Variants in DPP6 observed in about 807,000 individuals in gnomAD.
DPP6 encodes the protein dipeptidyl peptidase like 6.
In DPP6, 69 loss-of-function variants were observed where a neutral mutation model predicts 122.6. The ratio of observed to expected loss-of-function variants is 0.56; its 90% CI spans 0.46 to 0.69. The LOEUF (loss-of-function observed/expected upper bound fraction) is 0.69, where lower values mean the gene tolerates loss of function less well. Ranked by LOEUF, DPP6 falls within the 30% of genes least tolerant of loss-of-function variation. DPP6 has a pLI of 0.00. For synonymous variants in DPP6, 418 were observed against 433.1 expected (o/e 0.97, Z 0.43); for missense variants, 928 against 1,116.9 (o/e 0.83, Z 2.41).
In DPP6 at chr7:154,592,378, A is replaced by C. The variant is rs1203442306; in HGVS notation, c.627+25462A>C. On this transcript the variant is annotated intron_variant, in intron 5 of 25. Coordinates refer to ENST00000377770, the MANE Select transcript of DPP6 (RefSeq NM_130797.4). ...GTCAGCCTTTTGATTCCCTCCTGCC[A>C]ATACGCATCCGTTTATCCAGTGCTG... 2.0e-5 allele frequency among the ~76,000 whole-genome samples: 3 copies of C among 152,244 alleles called. 1 individual carries two copies. The highest frequency in any genetic ancestry group is 7.2e-5 in the African/African-American group (3 of 41,468).
At chr7:154,311,374 T>C (rs1400607246) in intron 1 of DPP6, among the ~76,000 whole-genome samples, 2 of 152,046 alleles carry the variant, frequency 1.3e-5, no homozygotes, top group African/African-American at 4.8e-5. Context: ...CGCATGCCTG[T>C]TGTCCCAGTT....
chr7:154,483,049 A>T lies in DPP6; in HGVS notation c.457+8012A>T, dbSNP rs759980997. Reference sequence around the variant, plus strand: ...AGAGGTTGGAGCCATCTGGAGGACCATGGAAAGCGTGGGTTGTGGAGGTAC... The same window carrying T: ...AGAGGTTGGAGCCATCTGGAGGACCTTGGAAAGCGTGGGTTGTGGAGGTAC... On this transcript the variant is annotated intron_variant, in intron 3 of 25. Coordinates refer to ENST00000377770, the MANE Select transcript of DPP6 (RefSeq NM_130797.4). The surrounding 1 kb of genome is among the most constrained non-coding windows in gnomAD (Gnocchi z 8.1). 6.6e-6 allele frequency among the ~76,000 whole-genome samples: 1 copy of T among 152,090 alleles called. No homozygotes were observed. Among genetic ancestry groups the T allele is most frequent in the Non-Finnish European group, 1.5e-5 (1 of 68,002 alleles).
chr7:154,640,267 A>T (rs1835990537), intron 6 of DPP6, among the ~76,000 whole-genome samples: 1 of 151,910 alleles, frequency 6.6e-6, no homozygotes. Context: ...AAACAAAAAC[A>T]ACAATTGGGA....
intron 1 of DPP6, among the ~76,000 whole-genome samples, chr7:154,065,113 T>A (rs1802598757): frequency 6.6e-6 from 1 of 152,076 alleles, no homozygotes. Flanking sequence ...CATAGCATTA[T>A]CATGACACAC....
chr7:154,576,886 G>A (rs1831717266), intron 5 of DPP6, among the ~76,000 whole-genome samples: 1 of 152,150 alleles, frequency 6.6e-6, no homozygotes, highest in Non-Finnish European at 1.5e-5. Flanking sequence ...CACCGGGTCT[G>A]GGAAGAGTGA....
chr7:154,078,887 A>T lies in DPP6; in HGVS notation c.243+25824A>T, dbSNP rs1295771092. On this transcript the variant is annotated intron_variant, in intron 1 of 25. Transcript: ENST00000377770. ...TCCAAAATGATTGTAGATTTTTTAA[A>T]TTTTTTTAAATTCAAAACATTGAGG... Among the ~76,000 whole-genome samples the T allele has an allele frequency of 2.0e-5, 3 of 146,512 alleles. No homozygotes were observed. In the East Asian group the frequency reaches 6.0e-4, roughly 30 times the overall value.
At chr7:154,525,324 T>G (rs1255964480) in intron 3 of DPP6, among the ~76,000 whole-genome samples, 1 of 152,168 alleles carries the variant, frequency 6.6e-6, no homozygotes, top group Admixed American at 6.5e-5. Context: ...TTAAATTATT[T>G]TTTTTGAAGA....
At chr7:154,796,056 G>C (rs1320259715) in intron 12 of DPP6, 173 bp downstream of exon 12, 3 of 1,063,080 alleles carry the variant, frequency 2.8e-6, no homozygotes, top group Non-Finnish European at 3.9e-6. Context: ...GTTCTCCAGG[G>C]TTGCCCAGAG....
rs1807138918 is a variant in DPP6 at position 154,313,710 on chromosome 7, T to TATATATATATATATATATGC, written c.244-132499_244-132498insTATATATATATATGCATATA. On this transcript the variant is annotated intron_variant, in intron 1 of 25. Transcript: ENST00000377770. ...GTATATATATATATATATATATATA[T>TATATATATATATATATATGC]ATATACACACACACGCACGCACACA... 2.5e-4 allele frequency among the ~76,000 whole-genome samples: 4 copies of TATATATATATATATATATGC among 16,200 alleles called. 1 individual carries two copies. In the East Asian group the frequency reaches 0.012, roughly 47 times the overall value. The allele number at this position is 16,200 out of a possible 152,430, so 10.6% of individuals were successfully genotyped here.
At chr7:154,396,829 C>A (rs1815129521) in intron 1 of DPP6, among the ~76,000 whole-genome samples, 1 of 152,172 alleles carries the variant, frequency 6.6e-6, no homozygotes, top group Admixed American at 6.5e-5. Flanking sequence ...CCTATAATGC[C>A]AGCTACTCAG....
intron 5 of DPP6, among the ~76,000 whole-genome samples, chr7:154,623,649 A>G (rs373451157): frequency 6.6e-5 from 3 of 45,236 alleles, no homozygotes; most frequent in African/African-American, 1.0e-4. Context: ...ACACGCGCAC[A>G]CACGCGCACA....
At chr7:154,377,690 C>T (rs1773305907) in intron 1 of DPP6, among the ~76,000 whole-genome samples, 1 of 151,856 alleles carries the variant, frequency 6.6e-6, no homozygotes, top group Admixed American at 6.5e-5. Context: ...CCTTCACCTT[C>T]CACCATGATT....
At chr7:154,800,982 T>C (rs1000581865) in intron 12 of DPP6, among the ~76,000 whole-genome samples, 4 of 152,108 alleles carry the variant, frequency 2.6e-5, no homozygotes, top group African/African-American at 9.7e-5. Context: ...CTGGTTTCAA[T>C]GGGCAATAAT....
chr7:153,827,007 C>CAA, the DPP6 span, among the ~76,000 whole-genome samples: 2 of 150,636 alleles, frequency 1.3e-5, no homozygotes, highest in Non-Finnish European at 3.0e-5. Flanking sequence ...TTAAAATTAA[C>CAA]CTTTATGACA....
intron 1 of DPP6, among the ~76,000 whole-genome samples, chr7:154,415,030 C>T (rs1816906834): frequency 6.6e-6 from 1 of 152,156 alleles, no homozygotes; most frequent in African/African-American, 2.4e-5. Flanking sequence ...CACTGCAGGG[C>T]CTTTGTCCAT....
the DPP6 span, among the ~76,000 whole-genome samples, chr7:153,843,817 C>A: frequency 3.3e-5 from 5 of 152,132 alleles, no homozygotes; most frequent in Admixed American, 2.0e-4. Flanking sequence ...GGAACAGTTG[C>A]AGCAAAAGCT....
In DPP6 at chr7:154,755,462, A is replaced by G. The variant is rs1406445478; in HGVS notation, c.884-13955A>G. Among the ~76,000 whole-genome samples the G allele has an allele frequency of 7.6e-6, 1 of 131,698 alleles. No individual in the cohort carries two copies. Among genetic ancestry groups the G allele is most frequent in the Non-Finnish European group, 1.6e-5 (1 of 62,334 alleles). The allele number at this position is 131,698 out of a possible 152,430, so 86.4% of individuals were successfully genotyped here. ...ACTTACTAGCTGTGTGAGCTTCGGC[A>G]CATTATTTAAACTTTTTTTCCCTTA... On this transcript the variant is annotated intron_variant, in intron 8 of 25. Transcript: ENST00000377770. This position sits in a 1 kb window ranked among gnomAD's most constrained non-coding sequence, Gnocchi z 4.7.
intron 1 of DPP6, among the ~76,000 whole-genome samples, chr7:153,995,418 C>G (rs1007706526): frequency 1.3e-5 from 2 of 151,986 alleles, no homozygotes; most frequent in African/African-American, 2.4e-5. Context: ...AACCCCGTCT[C>G]TACTAAAAAT....
At chr7:154,333,503 A>C (rs1349466245) in intron 1 of DPP6, among the ~76,000 whole-genome samples, 3 of 152,326 alleles carry the variant, frequency 2.0e-5, no homozygotes, top group Middle Eastern at 3.4e-3. Context: ...CCCAGGCTGC[A>C]TTTAGATGGT....
Sources: gnomAD v4.1 joint callset for allele counts (sites outside exome capture counted in the v4.1 genomes callset) on GRCh38, gnomAD v4.1.1 for gene constraint, Gnocchi (gnomAD v3.1) non-coding constraint, MANE v1.5 for transcripts, NCBI Gene and HGNC (gene_info 2026-07-23, HGNC 2026-07-21) for gene names.